PDSS2: variants seen among roughly 807,000 people sequenced by gnomAD.
PDSS2 encodes all trans-polyprenyl-diphosphate synthase PDSS2.
A neutral mutation model predicts 44.5 loss-of-function variants in PDSS2; 31 were observed. The ratio of observed to expected loss-of-function variants is 0.70; its 90% confidence interval spans 0.52 to 0.94. The LOEUF (loss-of-function observed/expected upper bound fraction) is 0.94, where lower values mean the gene tolerates loss of function less well. PDSS2 is among the 40% of genes least tolerant of loss of function. The pLI, the probability that PDSS2 is intolerant of heterozygous loss-of-function variation, is 0.00. For synonymous variants in PDSS2, 157 were observed against 180.3 expected (o/e 0.87, Z 1.03); for missense variants, 452 against 482.2 (o/e 0.94, Z 0.59).
chr6:107,284,731 A>G lies in PDSS2; in HGVS notation c.432-10504T>C, dbSNP rs75954377. Among the ~76,000 whole-genome samples, 1,982 of 152,058 alleles carry G rather than the reference A, an allele frequency of 0.013. 114 individuals carry two copies. The East Asian group carries it at 0.19, about 15-fold the overall frequency. Reference sequence around the variant, plus strand: ...TAGCTACACCCTTCATTCCTCTTTCAGACTTTGAAGTAAATGCCAGATATG... The same window carrying G: ...TAGCTACACCCTTCATTCCTCTTTCGGACTTTGAAGTAAATGCCAGATATG... On this transcript the variant is annotated intron_variant, in intron 2 of 7. Transcript: ENST00000369037.
At chr6:107,170,606 A>C (rs1250233141) in intron 7 of PDSS2, among the ~76,000 whole-genome samples, 2,719 of 95,664 alleles carry the variant, frequency 0.028, no homozygotes, top group Admixed American at 0.054. Flanking sequence ...TCTTGGAACC[A>C]CCCCCCCCCC....
intron 1 of PDSS2, among the ~76,000 whole-genome samples, chr6:107,452,736 G>A (rs1355577112): frequency 6.7e-6 from 1 of 149,906 alleles, no homozygotes; most frequent in East Asian, 2.0e-4. Flanking sequence ...GCGCAATCTC[G>A]GCTCACTGCA....
chr6:107,225,411 A>G (rs1002798393), intron 4 of PDSS2, among the ~76,000 whole-genome samples: 1 of 151,418 alleles, frequency 6.6e-6, no homozygotes, highest in African/African-American at 2.4e-5. Context: ...TTGGCCTCCC[A>G]AAGTGCTGAG....
chr6:107,292,776 A>C (rs1392278797), intron 2 of PDSS2, among the ~76,000 whole-genome samples: 1 of 152,160 alleles, frequency 6.6e-6, no homozygotes, highest in Non-Finnish European at 1.5e-5. Context: ...GAGGAGGAGG[A>C]GGGGCAGCTA....
At chr6:107,442,918 C>G (rs774041913) in intron 1 of PDSS2, among the ~76,000 whole-genome samples, 1 of 152,194 alleles carries the variant, frequency 6.6e-6, no homozygotes, top group Non-Finnish European at 1.5e-5. Context: ...TAAATCATCT[C>G]GTTGAGACCT....
In PDSS2 at chr6:107,225,137, T is replaced by TATATATA. The variant is rs1446558243; in HGVS notation, c.703-12856_703-12855insTATATAT. ...AGGAAGCTTCACTATATATATATTT[T>TATATATA]TATATATATATATATATATATATAT... On this transcript the variant is annotated intron_variant, in intron 4 of 7. Transcript: ENST00000369037. 2.7e-4 allele frequency among the ~76,000 whole-genome samples: 17 copies of TATATATA among 62,386 alleles called. 1 individual carries two copies. The highest frequency in any genetic ancestry group is 7.7e-4 in the African/African-American group (8 of 10,364). 40.9% of individuals were successfully genotyped at this position (62,386 alleles called of 152,430 possible).
intron 1 of PDSS2, among the ~76,000 whole-genome samples, chr6:107,373,742 C>T (rs771002037): frequency 2.9e-4 from 44 of 152,176 alleles, no homozygotes; most frequent in Non-Finnish European, 6.0e-4. Flanking sequence ...TGCCAGAGCC[C>T]ATAGTTTAAA....
At chr6:107,402,966 T>TA (rs1188879439) in intron 1 of PDSS2, among the ~76,000 whole-genome samples, 2 of 152,044 alleles carry the variant, frequency 1.3e-5, no homozygotes, top group Non-Finnish European at 2.9e-5. Flanking sequence ...TCCTCATATT[T>TA]AAAAACACAA....
intron 1 of PDSS2, among the ~76,000 whole-genome samples, chr6:107,457,539 T>C (rs568246729): frequency 6.6e-6 from 1 of 152,238 alleles, no homozygotes; most frequent in African/African-American, 2.4e-5. Context: ...ATCCCTGGCC[T>C]CTATCCACTA....
chr6:107,372,410 G>A (rs577682326), intron 1 of PDSS2, among the ~76,000 whole-genome samples: 62 of 152,082 alleles, frequency 4.1e-4, no homozygotes, highest in Non-Finnish European at 7.8e-4. Context: ...GGAAGTAGGA[G>A]GAAAAGGGGT....
At chr6:107,386,170 A>C (rs774939774) in intron 1 of PDSS2, among the ~76,000 whole-genome samples, 4 of 152,148 alleles carry the variant, frequency 2.6e-5, no homozygotes, top group Non-Finnish European at 2.9e-5. Context: ...TTAATTATTT[A>C]ATAGTTATGT....
At chr6:107,429,435 A>G (rs2114741822) in intron 1 of PDSS2, among the ~76,000 whole-genome samples, 1 of 152,266 alleles carries the variant, frequency 6.6e-6, no homozygotes, top group East Asian at 1.9e-4. Context: ...GTAGACATAC[A>G]AAGAGGCAGG....
At chr6:107,292,973 C>T (rs144562078) in intron 2 of PDSS2, among the ~76,000 whole-genome samples, 536 of 152,302 alleles carry the variant, frequency 3.5e-3, no homozygotes, top group Middle Eastern at 0.01. Context: ...CTGGGTGCGG[C>T]GGCTGTCACT....
rs547852618 is a variant in PDSS2, at chr6:107,279,261, G to A, written c.432-5034C>T. On this transcript the variant is annotated intron_variant, in intron 2 of 7. Coordinates refer to ENST00000369037, the MANE Select transcript of PDSS2 (RefSeq NM_020381.4). Reference sequence around the variant, plus strand: ...AAAAATAAATGTTTATTTACCTAAGGAATAGTAGATCGTTGGGGAGGGGGA... The same window carrying A: ...AAAAATAAATGTTTATTTACCTAAGAAATAGTAGATCGTTGGGGAGGGGGA... 3.9e-5 allele frequency among the ~76,000 whole-genome samples: 6 copies of A among 152,150 alleles called. No individual in the cohort carries two copies. The South Asian group carries it at 1.2e-3, about 32-fold the overall frequency.
At chr6:107,365,413 T>TTC (rs1195378421) in intron 1 of PDSS2, among the ~76,000 whole-genome samples, 1 of 152,062 alleles carries the variant, frequency 6.6e-6, no homozygotes. Context: ...CTAAAATATT[T>TTC]TCATTTAATA....
At chr6:107,367,513 G>C (rs1370445847) in intron 1 of PDSS2, among the ~76,000 whole-genome samples, 1 of 152,244 alleles carries the variant, frequency 6.6e-6, no homozygotes, top group Non-Finnish European at 1.5e-5. Context: ...GCCGGGCACA[G>C]TGGCTCACGC....
chr6:107,283,040 T>C (rs1354835386), intron 2 of PDSS2, among the ~76,000 whole-genome samples: 1 of 151,428 alleles, frequency 6.6e-6, no homozygotes, highest in African/African-American at 2.4e-5. Flanking sequence ...ACAGTTTGGC[T>C]GGGTGTGGTG....
intron 1 of PDSS2, among the ~76,000 whole-genome samples, chr6:107,373,831 G>A (rs1422279494): frequency 6.6e-6 from 1 of 152,156 alleles, no homozygotes; most frequent in Non-Finnish European, 1.5e-5. Context: ...GTACAACAGA[G>A]GTTCTAGCAT....
chr6:107,159,423 T>C (rs1333115158), intron 7 of PDSS2, among the ~76,000 whole-genome samples: 8 of 146,332 alleles, frequency 5.5e-5, no homozygotes, highest in Non-Finnish European at 1.2e-4. Context: ...TCTTTTCTTT[T>C]TTTTTTTTTT....
Sources: gnomAD v4.1 joint callset for allele counts (sites outside exome capture counted in the v4.1 genomes callset) on GRCh38, gnomAD v4.1.1 for gene constraint, MANE v1.5 for transcripts, NCBI Gene and HGNC (gene_info 2026-07-23, HGNC 2026-07-21) for gene names.